PALM2AKAP2: variants seen among roughly 807,000 people sequenced by gnomAD.
PALM2AKAP2 encodes the protein PALM2-AKAP2 fusion protein.
A neutral mutation model predicts 71.5 loss-of-function variants in PALM2AKAP2; 37 were observed. That is an observed-to-expected ratio of 0.52 (90% CI 0.40 to 0.68). PALM2AKAP2 has a LOEUF of 0.68. PALM2AKAP2 is among the 30% of genes least tolerant of loss of function. The pLI, the probability that PALM2AKAP2 is intolerant of heterozygous loss-of-function variation, is 0.00. For missense variants in PALM2AKAP2, 1,224 were observed against 1,191.8 expected (o/e 1.03, Z -0.40); for synonymous variants, 468 against 478.8 (o/e 0.98, Z 0.29).
At chr9:109,793,839 A>G (rs1382963689) in intron 1 of PALM2AKAP2, among the ~76,000 whole-genome samples, 1 of 152,266 alleles carries the variant, frequency 6.6e-6, no homozygotes, top group East Asian at 1.9e-4. Context: ...GCATCCATAA[A>G]TAAACTTTTA....
chr9:110,116,409 TGTGCGC>T (rs900419044), intron 1 of PALM2AKAP2, among the ~76,000 whole-genome samples: 2 of 151,968 alleles, frequency 1.3e-5, no homozygotes, highest in Non-Finnish European at 2.9e-5. Context: ...TGCGTGTGCG[TGTGCGC>T]GTGCACGCGC....
chr9:109,751,019 A>G (rs1274842574), intron 1 of PALM2AKAP2, among the ~76,000 whole-genome samples: 5 of 152,170 alleles, frequency 3.3e-5, no homozygotes, highest in Non-Finnish European at 7.4e-5. Context: ...TGGCTTCCTA[A>G]GCAAACTGTA....
chr9:109,891,622 T>C (rs1016001894), intron 3 of PALM2AKAP2, among the ~76,000 whole-genome samples: 6 of 152,052 alleles, frequency 3.9e-5, no homozygotes, highest in African/African-American at 7.2e-5. Context: ...TCCTGAATAA[T>C]TGGGATTACA....
intron 1 of PALM2AKAP2, among the ~76,000 whole-genome samples, chr9:110,129,244 G>C (rs143583066): frequency 6.6e-6 from 1 of 152,282 alleles, no homozygotes; most frequent in Non-Finnish European, 1.5e-5. Context: ...AGAAGGTAAA[G>C]GGATCATCGA....
intron 1 of PALM2AKAP2, among the ~76,000 whole-genome samples, chr9:110,119,341 C>CAAAAAAA (rs200861093): frequency 1.1e-5 from 1 of 88,924 alleles, no homozygotes; most frequent in Non-Finnish European, 2.4e-5. Context: ...GACTCCATCT[C>CAAAAAAA]AAAAAAAAAA....
intron 1 of PALM2AKAP2, among the ~76,000 whole-genome samples, chr9:109,773,856 G>A (rs1370850146): frequency 1.6e-4 from 6 of 37,456 alleles, no homozygotes; most frequent in African/African-American, 1.1e-3. Context: ...TTTGAGACTG[G>A]CTAGGATCCA....
chr9:109,854,423 G>A (rs144414797), intron 1 of PALM2AKAP2, among the ~76,000 whole-genome samples: 1 of 152,338 alleles, frequency 6.6e-6, no homozygotes, highest in East Asian at 1.9e-4. Flanking sequence ...ACTGGTGATG[G>A]TTATTCTCTC....
At chr9:109,997,999 T>A (rs1183621197) in intron 6 of PALM2AKAP2, among the ~76,000 whole-genome samples, 1 of 152,194 alleles carries the variant, frequency 6.6e-6, no homozygotes, top group African/African-American at 2.4e-5. Flanking sequence ...AGTGAGATTT[T>A]AAAAATCCAC....
At chr9:109,734,787 A>G (rs1486523000) in intron 1 of PALM2AKAP2, among the ~76,000 whole-genome samples, 1 of 152,162 alleles carries the variant, frequency 6.6e-6, no homozygotes, top group Non-Finnish European at 1.5e-5. Flanking sequence ...TATTGCCCAG[A>G]TTGTAGGTTA....
intron 1 of PALM2AKAP2, among the ~76,000 whole-genome samples, chr9:109,794,984 C>A (rs932896382): frequency 6.6e-6 from 1 of 152,202 alleles, no homozygotes; most frequent in African/African-American, 2.4e-5. Context: ...TATGCTTGAT[C>A]CTGAAATTCT....
At chr9:110,058,898 GT>G (rs202140304) in intron 1 of PALM2AKAP2, among the ~76,000 whole-genome samples, 1,747 of 111,666 alleles carry the variant, frequency 0.016, 8 homozygotes, top group African/African-American at 0.054. Context: ...AAGTTTTTTG[GT>G]TTTTTTTTTT....
intron 1 of PALM2AKAP2, among the ~76,000 whole-genome samples, chr9:109,649,543 G>T (rs7049116): frequency 0.097 from 14,742 of 152,230 alleles, 845 homozygotes; most frequent in South Asian, 0.2. Context: ...AATGTATGGA[G>T]AGTAGTTTAT....
intron 7 of PALM2AKAP2, among the ~76,000 whole-genome samples, chr9:110,019,131 T>C (rs1833030257): frequency 6.7e-6 from 1 of 148,760 alleles, no homozygotes; most frequent in Non-Finnish European, 1.5e-5. Flanking sequence ...CCAAAGCTAC[T>C]AGGGAGGCTG....
chr9:109,857,700 G>A (rs1425198288), intron 1 of PALM2AKAP2, among the ~76,000 whole-genome samples: 1 of 152,158 alleles, frequency 6.6e-6, no homozygotes, highest in African/African-American at 2.4e-5. Context: ...TTCAACCCCT[G>A]TTTGGCCACT....
intron 3 of PALM2AKAP2, among the ~76,000 whole-genome samples, chr9:109,918,281 A>G (rs2131928831): frequency 6.6e-6 from 1 of 152,348 alleles, no homozygotes; most frequent in Non-Finnish European, 1.5e-5. Flanking sequence ...TGCACTTCCC[A>G]GAGCGAGAGT....
chr9:109,764,486 C>T (rs1314555065), intron 1 of PALM2AKAP2, among the ~76,000 whole-genome samples: 1 of 152,202 alleles, frequency 6.6e-6, no homozygotes, highest in African/African-American at 2.4e-5. Flanking sequence ...TATTTCATCT[C>T]CTCTGAGATG....
At chr9:110,136,238 A>G in exon 2 of PALM2AKAP2, 2 of 1,614,180 alleles carry the variant, frequency 1.2e-6, no homozygotes, top group African/African-American at 2.7e-5. Flanking sequence ...TCACAAAAAC[A>G]TGGAAATTGA....
At chr9:109,989,271 T>A (rs1221526805) in intron 6 of PALM2AKAP2, among the ~76,000 whole-genome samples, 1 of 152,200 alleles carries the variant, frequency 6.6e-6, no homozygotes, top group Non-Finnish European at 1.5e-5. Context: ...CATCGAAGTG[T>A]GCCATCCTGT....
intron 1 of PALM2AKAP2, among the ~76,000 whole-genome samples, chr9:109,733,055 T>C (rs78316123): frequency 0.043 from 6,580 of 152,130 alleles, 192 homozygotes; most frequent in Non-Finnish European, 0.053. Context: ...CAGATTATAT[T>C]CTATAGGGGC....
Sources: allele counts gnomAD v4.1 joint callset (sites outside exome capture counted in the v4.1 genomes callset), GRCh38; gene constraint gnomAD v4.1.1; transcripts MANE v1.5; gene names NCBI Gene and HGNC (gene_info 2026-07-23, HGNC 2026-07-21).